Variants in CAMK2D observed in about 807,000 individuals in gnomAD.
CAMK2D encodes the protein calcium/calmodulin dependent protein kinase II delta.
CAMK2D carries 37 observed loss-of-function variants against 84.0 expected under a neutral mutation model. The ratio of observed to expected loss-of-function variants is 0.44; its 90% CI spans 0.34 to 0.58. The LOEUF (loss-of-function observed/expected upper bound fraction) is 0.58, where lower values mean the gene tolerates loss of function less well. Among genes scored for constraint, CAMK2D ranks in the 20% least tolerant of loss-of-function variants. The pLI, the probability that CAMK2D is intolerant of heterozygous loss-of-function variation, is 0.02. For missense variants in CAMK2D, 448 were observed against 652.5 expected, an observed-to-expected ratio of 0.69 and a Z score of 3.41; for synonymous variants, 202 against 212.5, an observed-to-expected ratio of 0.95 and a Z score of 0.43.
chr4:113,650,774 A>G (rs2099169524), intron 3 of CAMK2D, among the ~76,000 whole-genome samples: 1 of 152,190 alleles, frequency 6.6e-6, no homozygotes, highest in African/African-American at 2.4e-5. Context: ...GCCTATGCCT[A>G]TGGAAATAAT....
chr4:113,602,848 C>A (rs117084962), intron 4 of CAMK2D, among the ~76,000 whole-genome samples: 1 of 152,108 alleles, frequency 6.6e-6, no homozygotes, highest in Non-Finnish European at 1.5e-5. Context: ...GGGTCCCAGC[C>A]GATAAACCTA....
chr4:113,662,915 T>C (rs1192834687), intron 2 of CAMK2D, among the ~76,000 whole-genome samples: 1 of 152,218 alleles, frequency 6.6e-6, no homozygotes, highest in African/African-American at 2.4e-5. Context: ...ATATAATGTA[T>C]ATAATGTAGA....
chr4:113,506,345 C>T (rs1290380591), intron 13 of CAMK2D, among the ~76,000 whole-genome samples: 1 of 152,172 alleles, frequency 6.6e-6, no homozygotes, highest in Non-Finnish European at 1.5e-5. Flanking sequence ...AGTTGTGACA[C>T]TGTGCTGCTT....
intron 3 of CAMK2D, among the ~76,000 whole-genome samples, chr4:113,650,158 C>G (rs926177463): frequency 2.0e-5 from 3 of 151,970 alleles, no homozygotes; most frequent in African/African-American, 7.3e-5. Context: ...TTACCTTTCC[C>G]CAGATTAATA....
intron 4 of CAMK2D, among the ~76,000 whole-genome samples, chr4:113,560,532 G>A (rs973439891): frequency 1.3e-5 from 2 of 151,996 alleles, no homozygotes; most frequent in Non-Finnish European, 2.9e-5. Flanking sequence ...CTAGACTCAG[G>A]AATTGTCCCA....
intron 4 of CAMK2D, among the ~76,000 whole-genome samples, chr4:113,586,928 T>A (rs987629368): frequency 6.6e-6 from 1 of 152,114 alleles, no homozygotes; most frequent in Non-Finnish European, 1.5e-5. Flanking sequence ...AAATAAGACT[T>A]CAGAAAGTCT....
At chr4:113,571,106 C>T (rs2098751300) in intron 4 of CAMK2D, among the ~76,000 whole-genome samples, 1 of 151,332 alleles carries the variant, frequency 6.6e-6, no homozygotes, top group African/African-American at 2.5e-5. Context: ...TATCACTTCA[C>T]ACTTGTTAGA....
At chr4:113,659,374 T>A (rs918933846) in intron 3 of CAMK2D, among the ~76,000 whole-genome samples, 1 of 152,206 alleles carries the variant, frequency 6.6e-6, no homozygotes, top group African/African-American at 2.4e-5. Context: ...GCAAATGATG[T>A]CCTCCCCAAA....
intron 13 of CAMK2D, among the ~76,000 whole-genome samples, chr4:113,509,249 C>T (rs2154159648): frequency 6.6e-6 from 1 of 152,190 alleles, no homozygotes; most frequent in South Asian, 2.1e-4. Context: ...ATTTTTCAGG[C>T]TATATATTTC....
chr4:113,656,445 A>C (rs1472276852), intron 3 of CAMK2D, among the ~76,000 whole-genome samples: 2 of 152,162 alleles, frequency 1.3e-5, no homozygotes, highest in Non-Finnish European at 2.9e-5. Context: ...TGATATCCTG[A>C]CTGAACACTA....
In CAMK2D at chr4:113,738,667, T is replaced by C. The variant is rs191450856; in HGVS notation, c.160+20653A>G. 6.2e-3 allele frequency among the ~76,000 whole-genome samples: 947 copies of C among 152,214 alleles called. 6 individuals carry two copies. Among genetic ancestry groups the C allele is most frequent in the Admixed American group, 9.8e-3 (150 of 15,282 alleles). On this transcript the variant is annotated intron_variant, in intron 2 of 20. Transcript: ENST00000511664. ...TATGTATATATCTCCATATACTAAA[T>C]ATATCACTAAAAATATAATGAAATA...
At chr4:113,737,858 A>T (rs947878996) in intron 2 of CAMK2D, among the ~76,000 whole-genome samples, 8 of 152,124 alleles carry the variant, frequency 5.3e-5, no homozygotes, top group African/African-American at 1.9e-4. Context: ...CTCTCTAGTA[A>T]ATGAGAATAT....
chr4:113,452,815 T>C lies in CAMK2D; in HGVS notation c.*1730A>G, dbSNP rs950613044. 1 of 152,524 alleles carries C rather than the reference T, an allele frequency of 6.6e-6. No individual in the cohort carries two copies. Among genetic ancestry groups the C allele is most frequent in the Non-Finnish European group, 1.5e-5 (1 of 68,030 alleles). 9.4% of individuals were successfully genotyped at this position (152,524 alleles called of 1,614,324 possible). On this transcript the variant is annotated 3_prime_UTR_variant, in exon 21 of 21. Transcript: ENST00000511664. ...CATGGCTCAATATATTTACTGTATA[T>C]ATTTATTTTAAATATATATGTTGTT...
chr4:113,552,971 G>A lies in CAMK2D; in HGVS notation c.276-875C>T, dbSNP rs146351887. On this transcript the variant is annotated intron_variant, in intron 4 of 20. Transcript: ENST00000511664. ...GTGGAAAAGTTAATATGAATTTCTT[G>A]GTTATTAGCGAGGTAGATCATTTTC... is the stretch of plus-strand genomic sequence containing the variant. Among the ~76,000 whole-genome samples, 1,227 of 152,114 alleles carry A rather than the reference G, an allele frequency of 8.1e-3. 19 individuals carry two copies. The highest frequency in any genetic ancestry group is 0.028 in the African/African-American group (1,151 of 41,500).
At chr4:113,526,683 C>T (rs941777541) in intron 8 of CAMK2D, among the ~76,000 whole-genome samples, 1 of 151,814 alleles carries the variant, frequency 6.6e-6, no homozygotes, top group Non-Finnish European at 1.5e-5. Flanking sequence ...AACTGTATTA[C>T]AGAAATGTAC....
At chr4:113,551,846 A>G (rs2098631695) in intron 5 of CAMK2D, among the ~76,000 whole-genome samples, 185 bp downstream of exon 5, 1 of 152,192 alleles carries the variant, frequency 6.6e-6, no homozygotes, top group African/African-American at 2.4e-5. Flanking sequence ...TTGATAAAAT[A>G]TGTAATCTAA....
At chr4:113,746,965 T>A (rs1051777568) in intron 2 of CAMK2D, among the ~76,000 whole-genome samples, 2 of 141,942 alleles carry the variant, frequency 1.4e-5, no homozygotes, top group African/African-American at 2.7e-5. Context: ...AAAAAAAAAA[T>A]CTACCATTAA....
chr4:113,595,806 C>G (rs1304475115), intron 4 of CAMK2D, among the ~76,000 whole-genome samples: 1 of 152,080 alleles, frequency 6.6e-6, no homozygotes, highest in Non-Finnish European at 1.5e-5. Context: ...GAGCTGTAAC[C>G]TTTTTACTGG....
rs532105518 is a variant in CAMK2D, at chr4:113,639,077, T to C, written c.220+22636A>G. Among the ~76,000 whole-genome samples, 211 of 135,464 alleles carry C rather than the reference T, an allele frequency of 1.6e-3. 4 individuals carry two copies. Among genetic ancestry groups the C allele is most frequent in the African/African-American group, 5.6e-3 (182 of 32,690 alleles). The allele number at this position is 135,464 out of a possible 152,430, so 88.9% of individuals were successfully genotyped here. On this transcript the variant is annotated intron_variant, in intron 3 of 20. Coordinates refer to ENST00000511664, the MANE Select transcript of CAMK2D (RefSeq NM_001321571.2). Reference sequence around the variant, plus strand: ...GGGCAACATAGCGAAACTTTGCCTCTACCAAAAAAAAAAAAAAAATAGCCC... The same window carrying C: ...GGGCAACATAGCGAAACTTTGCCTCCACCAAAAAAAAAAAAAAAATAGCCC...
Sources: gnomAD v4.1 joint callset for allele counts (sites outside exome capture counted in the v4.1 genomes callset) on GRCh38, gnomAD v4.1.1 for gene constraint, MANE v1.5 for transcripts, NCBI Gene and HGNC (gene_info 2026-07-23, HGNC 2026-07-21) for gene names.